CNEP1R1: variants seen among roughly 807,000 people sequenced by gnomAD.
The protein encoded by CNEP1R1 is nuclear envelope phosphatase-regulatory subunit 1.
A neutral mutation model predicts 22.7 loss-of-function variants in CNEP1R1; 10 were observed. The ratio of observed to expected loss-of-function variants is 0.44; its 90% CI spans 0.27 to 0.75. The LOEUF is 0.75. Ranked by LOEUF, CNEP1R1 falls within the 30% of genes least tolerant of loss-of-function variation. CNEP1R1 has a pLI of 0.17. For missense variants in CNEP1R1, 73 were observed against 151.5 expected, an observed-to-expected ratio of 0.48 and a Z score of 2.72; for synonymous variants, 53 against 50.1, an observed-to-expected ratio of 1.06 and a Z score of -0.25.
At chr16:50,027,643 C>T in intron 2 of CNEP1R1, among the ~76,000 whole-genome samples, 1 of 150,978 alleles carries the variant, frequency 6.6e-6, no homozygotes, top group Non-Finnish European at 1.5e-5. Context: ...ATGTTCACTG[C>T]ACTCCAGCTT....
rs2036283427 is a variant in CNEP1R1, at chr16:50,036,804, G to A, written c.*1346G>A. ...TTACCTGTTTATTAGATTTTGAAAAGGTTTAAATTATTTCATGAGCAATCT... is the reference window on the plus strand; with the variant it reads ...TTACCTGTTTATTAGATTTTGAAAAAGTTTAAATTATTTCATGAGCAATCT... On this transcript the variant is annotated 3_prime_UTR_variant, in exon 6 of 6. Coordinates refer to ENST00000427478, the MANE Select transcript of CNEP1R1 (RefSeq NM_001281789.2). 1 of 152,502 alleles carries A rather than the reference G, an allele frequency of 6.6e-6. No individual in the cohort carries two copies. The highest frequency in any genetic ancestry group is 1.5e-5 in the Non-Finnish European group (1 of 68,010). The allele number at this position is 152,502 out of a possible 1,614,324, so 9.4% of individuals were successfully genotyped here.
At chr16:50,028,431 A>G (rs940247440) in intron 2 of CNEP1R1, among the ~76,000 whole-genome samples, 1 of 152,218 alleles carries the variant, frequency 6.6e-6, no homozygotes, top group African/African-American at 2.4e-5. Context: ...ATTTTTTTGT[A>G]TAATTTTTAT....
intron 1 of CNEP1R1, chr16:50,026,028 C>G (rs2036179848): frequency 2.2e-6 from 1 of 445,158 alleles, no homozygotes. Flanking sequence ...ATAGGAAGTT[C>G]TTGGTTCCCA....
intron 3 of CNEP1R1, among the ~76,000 whole-genome samples, chr16:50,032,618 C>T (rs1408919200): frequency 2.6e-5 from 4 of 152,142 alleles, no homozygotes; most frequent in African/African-American, 4.8e-5. Context: ...AACAAGGCAG[C>T]ATATGTGTGG....
At position 50,035,502 on chromosome 16, in the gene CNEP1R1, G is replaced by C. The variant is rs766062916; in HGVS notation, c.*44G>C. The C allele has an allele frequency of 7.1e-7, 1 of 1,400,536 alleles. No homozygotes were observed. The highest frequency in any genetic ancestry group is 9.9e-7 in the Non-Finnish European group (1 of 1,006,346). The allele number at this position is 1,400,536 out of a possible 1,614,324, so 86.8% of individuals were successfully genotyped here. On this transcript the variant is annotated 3_prime_UTR_variant, in exon 6 of 6. Transcript: ENST00000427478. Reference sequence around the variant, plus strand: ...ATGGGACTTAAAATAGCCTTTCTTCGAATAAGTGATACAGCAAAAAGCCAT... The same window carrying C: ...ATGGGACTTAAAATAGCCTTTCTTCCAATAAGTGATACAGCAAAAAGCCAT...
At chr16:50,035,041 C>G (rs867446159) in intron 5 of CNEP1R1, among the ~76,000 whole-genome samples, 1 of 151,808 alleles carries the variant, frequency 6.6e-6, no homozygotes, top group African/African-American at 2.4e-5. Flanking sequence ...ACAAGTAATA[C>G]CTATTCATTA....
Sources: allele counts gnomAD v4.1 joint callset (sites outside exome capture counted in the v4.1 genomes callset), GRCh38; gene constraint gnomAD v4.1.1; transcripts MANE v1.5; gene names NCBI Gene and HGNC (gene_info 2026-07-23, HGNC 2026-07-21).